The following PDE10A variants were observed in gnomAD, a reference collection of about 807,000 sequenced individuals.
PDE10A encodes the protein cAMP and cAMP-inhibited cGMP 3',5'-cyclic phosphodiesterase 10A.
A neutral mutation model predicts 97.7 loss-of-function variants in PDE10A; 39 were observed. That is an observed-to-expected ratio of 0.40 (90% CI 0.31 to 0.52). PDE10A has a LOEUF of 0.52. Among genes scored for constraint, PDE10A ranks in the 20% least tolerant of loss-of-function variants. The pLI is 0.56. For missense variants in PDE10A, 731 were observed against 1,047.8 expected (o/e 0.70, Z 4.17); for synonymous variants, 371 against 376.8 (o/e 0.98, Z 0.18).
intron 1 of PDE10A, among the ~76,000 whole-genome samples, chr6:165,884,567 A>G (rs980300865): frequency 3.3e-5 from 5 of 152,146 alleles, no homozygotes; most frequent in Non-Finnish European, 7.4e-5. Flanking sequence ...CAACTATACT[A>G]TTTTTTAAAA....
chr6:165,916,242 T>G (rs936218804), intron 1 of PDE10A, among the ~76,000 whole-genome samples: 1 of 152,256 alleles, frequency 6.6e-6, no homozygotes, highest in Non-Finnish European at 1.5e-5. Context: ...AACCTGCCAG[T>G]ACCAAAAGGT....
chr6:165,651,527 G>C (rs2128425641), intron 1 of PDE10A, among the ~76,000 whole-genome samples: 1 of 152,336 alleles, frequency 6.6e-6, no homozygotes, highest in East Asian at 1.9e-4. Flanking sequence ...CATGGAGAAA[G>C]ATAGGTGGAG....
intron 2 of PDE10A, among the ~76,000 whole-genome samples, chr6:165,538,261 T>G (rs1198657560): frequency 2.6e-5 from 4 of 152,034 alleles, no homozygotes; most frequent in African/African-American, 9.7e-5. Context: ...AAAGAAAACT[T>G]CAATTATTTG....
chr6:165,357,492 C>T (rs1444207251), intron 18 of PDE10A, among the ~76,000 whole-genome samples: 1 of 152,034 alleles, frequency 6.6e-6, no homozygotes, highest in Non-Finnish European at 1.5e-5. Context: ...CCACATGAAG[C>T]TGTTGAGGCC....
intron 1 of PDE10A, among the ~76,000 whole-genome samples, chr6:165,963,282 C>T (rs1784411012): frequency 6.6e-6 from 1 of 152,226 alleles, no homozygotes; most frequent in Admixed American, 6.5e-5. Flanking sequence ...ACAAATCTGT[C>T]TTATTTACTA....
intron 1 of PDE10A, chr6:165,780,365 T>G (rs1246002637): frequency 6.6e-6 from 1 of 152,252 alleles, no homozygotes; most frequent in South Asian, 2.1e-4. Flanking sequence ...AGGTGTATCA[T>G]AAGAGAACAG....
At chr6:165,581,726 T>C (rs1202560920) in intron 1 of PDE10A, among the ~76,000 whole-genome samples, 2 of 152,258 alleles carry the variant, frequency 1.3e-5, no homozygotes, top group Non-Finnish European at 2.9e-5. Context: ...TTTGCTTTGA[T>C]TATTCTGGTG....
intron 1 of PDE10A, among the ~76,000 whole-genome samples, chr6:165,820,733 C>T (rs1478509897): frequency 6.6e-6 from 1 of 152,176 alleles, no homozygotes; most frequent in Non-Finnish European, 1.5e-5. Context: ...TTGCAGAAAC[C>T]ACAGGAGAAC....
At chr6:165,730,024 A>G (rs541491268) in intron 1 of PDE10A, among the ~76,000 whole-genome samples, 14 of 152,356 alleles carry the variant, frequency 9.2e-5, no homozygotes, top group African/African-American at 2.9e-4. Context: ...AAGATATACA[A>G]GAGATATCTT....
intron 1 of PDE10A, among the ~76,000 whole-genome samples, chr6:165,690,997 C>T (rs745347880): frequency 6.6e-6 from 1 of 151,778 alleles, no homozygotes; most frequent in East Asian, 1.9e-4. Flanking sequence ...CTTTCCAGCT[C>T]ACTGACTGCA....
At chr6:165,934,024 G>A (rs998083859) in intron 1 of PDE10A, among the ~76,000 whole-genome samples, 4 of 150,366 alleles carry the variant, frequency 2.7e-5, no homozygotes, top group Non-Finnish European at 4.4e-5. Context: ...TCACTGCGAT[G>A]CCCAGGCTGA....
At chr6:165,435,015 G>A (rs1204394932) in intron 6 of PDE10A, among the ~76,000 whole-genome samples, 1 of 152,146 alleles carries the variant, frequency 6.6e-6, no homozygotes, top group Non-Finnish European at 1.5e-5. Flanking sequence ...TAACTGTACT[G>A]GCATGTGTTG....
intron 18 of PDE10A, among the ~76,000 whole-genome samples, chr6:165,369,602 T>C (rs1426685851): frequency 6.8e-5 from 10 of 146,394 alleles, no homozygotes; most frequent in Non-Finnish European, 1.0e-4. Flanking sequence ...CTATGTCTGA[T>C]TGGTGTACCT....
At chr6:165,982,804 T>C (rs932026850) in intron 1 of PDE10A, among the ~76,000 whole-genome samples, 2 of 152,184 alleles carry the variant, frequency 1.3e-5, no homozygotes, top group African/African-American at 4.8e-5. Context: ...CACATGTCCA[T>C]TCAGTTATAA....
Position 165,386,811 on chromosome 6 carries a change from G to T in PDE10A, c.2610+1487C>A, listed in dbSNP as rs200487713. Among the ~76,000 whole-genome samples, 20 of 150,538 alleles carry T rather than the reference G, an allele frequency of 1.3e-4. No individual in the cohort carries two copies. In the East Asian group the frequency reaches 3.9e-3, roughly 30 times the overall value. ...AGGTCAGGAGATTGAGACCATTCTG[G>T]CTAACACAATGAAACCCCAGCTCTA... On this transcript the variant is annotated intron_variant, in intron 17 of 21. Coordinates refer to ENST00000539869, the MANE Select transcript of PDE10A (RefSeq NM_001385079.1).
At chr6:165,982,616 A>G (rs1269796427) in intron 1 of PDE10A, among the ~76,000 whole-genome samples, 3 of 152,252 alleles carry the variant, frequency 2.0e-5, no homozygotes, top group African/African-American at 7.2e-5. Context: ...AGTAACTAAT[A>G]AGATATCTTG....
At chr6:165,779,940 G>A (rs1303791344) in intron 1 of PDE10A, among the ~76,000 whole-genome samples, 1 of 152,168 alleles carries the variant, frequency 6.6e-6, no homozygotes, top group East Asian at 1.9e-4. Flanking sequence ...GGCCACGAAT[G>A]GTTGGAGAGC....
intron 1 of PDE10A, among the ~76,000 whole-genome samples, chr6:165,717,246 G>C (rs1019786167): frequency 6.6e-6 from 1 of 152,134 alleles, no homozygotes; most frequent in Non-Finnish European, 1.5e-5. Context: ...CCTCCACTGA[G>C]GGACACTTGA....
chr6:165,926,738 A>G (rs59719123), intron 1 of PDE10A, among the ~76,000 whole-genome samples: 22,277 of 152,164 alleles, frequency 0.15, 1,880 homozygotes, highest in East Asian at 0.26. Context: ...GGGCTCCACT[A>G]TCCTTGGATG....
Sources: gnomAD v4.1 joint callset for allele counts (sites outside exome capture counted in the v4.1 genomes callset) on GRCh38, gnomAD v4.1.1 for gene constraint, MANE v1.5 for transcripts, NCBI Gene and HGNC (gene_info 2026-07-23, HGNC 2026-07-21) for gene names.